CDH22: variants seen among roughly 807,000 people sequenced by gnomAD.
The protein encoded by CDH22 is cadherin-22.
Under a neutral mutation model 58.4 loss-of-function variants are expected in CDH22, and 30 were observed. That is an observed-to-expected ratio of 0.51 (90% CI 0.38 to 0.70). The LOEUF (loss-of-function observed/expected upper bound fraction) is 0.70, where lower values mean the gene tolerates loss of function less well. Among genes scored for constraint, CDH22 ranks in the 30% least tolerant of loss-of-function variants. The pLI is 0.00. For missense variants in CDH22, 1,014 were observed against 1,233.9 expected (o/e 0.82, Z 2.67); for synonymous variants, 513 against 558.2 (o/e 0.92, Z 1.14).
At chr20:46,288,958 T>G (rs2086587987) in intron 1 of CDH22, among the ~76,000 whole-genome samples, 1 of 152,192 alleles carries the variant, frequency 6.6e-6, no homozygotes, top group African/African-American at 2.4e-5. Context: ...GCCGTAACAC[T>G]CCTTCTCTCA....
chr20:46,214,230 G>A (rs1162033572), intron 5 of CDH22, among the ~76,000 whole-genome samples: 1 of 152,152 alleles, frequency 6.6e-6, no homozygotes, highest in African/African-American at 2.4e-5. Context: ...GAAGGAATGA[G>A]ATCAGATGGG....
intron 1 of CDH22, among the ~76,000 whole-genome samples, chr20:46,266,347 G>T (rs957607973): frequency 6.6e-6 from 1 of 152,164 alleles, no homozygotes; most frequent in Non-Finnish European, 1.5e-5. Context: ...GGTCATTCAG[G>T]GGCCAAGCCT....
intron 1 of CDH22, among the ~76,000 whole-genome samples, chr20:46,295,296 T>G (rs2086624262): frequency 1.3e-5 from 2 of 152,206 alleles, no homozygotes; most frequent in Non-Finnish European, 2.9e-5. Context: ...GAGGCCAACT[T>G]GACAGGAAGC....
Position 46,241,249 on chromosome 20 carries a change from G to T in CDH22, c.264C>A (p.Ser88=), listed in dbSNP as rs529732146. The T allele has an allele frequency of 2.5e-6, 4 of 1,601,184 alleles. No homozygotes were observed. Among genetic ancestry groups the T allele is most frequent in the Non-Finnish European group, 3.4e-6 (4 of 1,171,542 alleles). Residue 88 remains serine, a synonymous_variant, in exon 3 of 12, where the codon TCC becomes TCA. Transcript: ENST00000537909. This position sits in a 1 kb window ranked among gnomAD's most constrained non-coding sequence, Gnocchi z 5.2. The part of the protein sequence containing the change: ...TEPLYVGKIH[S]DSDEGDGAIK... ...TGGCCCCGTCACCCTCGTCTGAGTC[G>T]GAGTGGATCTGGGTAGGCAGAGAAG... is the stretch of plus-strand genomic sequence containing the variant.
At chr20:46,256,785 G>A (rs968142962) in intron 1 of CDH22, among the ~76,000 whole-genome samples, 4 of 152,172 alleles carry the variant, frequency 2.6e-5, no homozygotes, top group African/African-American at 9.7e-5. Context: ...AAGATTCCTT[G>A]AGGCCAGGGG....
intron 1 of CDH22, among the ~76,000 whole-genome samples, chr20:46,261,095 C>A (rs1195430342): frequency 6.6e-6 from 1 of 152,142 alleles, no homozygotes; most frequent in Non-Finnish European, 1.5e-5. Flanking sequence ...GTATGTATGA[C>A]CTTGGTAATT....
chr20:46,239,229 T>C (rs1337352303), intron 3 of CDH22, among the ~76,000 whole-genome samples: 1 of 152,216 alleles, frequency 6.6e-6, no homozygotes, highest in Non-Finnish European at 1.5e-5. Context: ...ATGCACTCAA[T>C]AAATATTTGT....
Position 46,224,249 on chromosome 20 carries a change from A to C in CDH22, c.670+3259T>G, listed in dbSNP as rs191055916. ...TTATATGTGTACATGCTCATCTTCT[A>C]TATTCTCTACTTCAATAAAAGTGCC... On this transcript the variant is annotated intron_variant, in intron 4 of 11. Coordinates refer to ENST00000537909, the MANE Select transcript of CDH22 (RefSeq NM_021248.3). 2.5e-3 allele frequency among the ~76,000 whole-genome samples: 386 copies of C among 152,322 alleles called. 3 individuals are homozygous for C. Among genetic ancestry groups the C allele is most frequent in the African/African-American group, 8.7e-3 (361 of 41,570 alleles).
At chr20:46,254,633 G>T (rs1168122099) in intron 1 of CDH22, among the ~76,000 whole-genome samples, 1 of 151,854 alleles carries the variant, frequency 6.6e-6, no homozygotes, top group African/African-American at 2.4e-5. Context: ...GATAATAGAG[G>T]AATTAATCTA....
At chr20:46,176,980 T>A (rs568640702) in intron 11 of CDH22, among the ~76,000 whole-genome samples, 5 of 152,266 alleles carry the variant, frequency 3.3e-5, no homozygotes, top group African/African-American at 9.6e-5. Flanking sequence ...GAAACCGCTG[T>A]AAAGTGCACC....
At chr20:46,260,498 CCTT>C (rs1182245579) in intron 1 of CDH22, among the ~76,000 whole-genome samples, 3 of 152,220 alleles carry the variant, frequency 2.0e-5, no homozygotes, top group East Asian at 3.9e-4. Flanking sequence ...CTCACCTACT[CCTT>C]CTTCCATCCC....
rs2085939451 is a variant in CDH22 at position 46,199,576 on chromosome 20, AG to A, written c.1287-18del. On this transcript the variant is annotated intron_variant, in intron 7 of 11. Coordinates refer to ENST00000537909, the MANE Select transcript of CDH22 (RefSeq NM_021248.3). ...ATGGCGTACCTGCGGGGGGCAGGGC[AG>A]GGCTGATTGAAGGTGCCCCAGTGCC... The A allele has an allele frequency of 6.2e-7, 1 of 1,611,674 alleles. No homozygotes were observed. The highest frequency in any genetic ancestry group is 8.5e-7 in the Non-Finnish European group (1 of 1,178,830).
At chr20:46,227,695 T>C in intron 3 of CDH22, 68 bp from the exon 4 acceptor site, 1 of 1,538,722 alleles carries the variant, frequency 6.5e-7, no homozygotes. Context: ...CCACTTCGCC[T>C]CACCCCAGGG....
At chr20:46,292,940 GTGTGTGTGTGTA>G (rs1236128631) in intron 1 of CDH22, among the ~76,000 whole-genome samples, 3 of 152,004 alleles carry the variant, frequency 2.0e-5, no homozygotes, top group Non-Finnish European at 2.9e-5. Flanking sequence ...GTGTGTGTGT[GTGTGTGTGTGTA>G]TGTGTGTCTT....
At position 46,186,197 on chromosome 20, in the gene CDH22, T is replaced by C. The variant is rs2085823768; in HGVS notation, c.1663+391A>G. The stretch of plus-strand genomic sequence containing the variant: ...CAGCCTGGCTGACAGAGCGAGACCC[T>C]GTCTCAAAAAAAAAAAAAAAAAAAT... On this transcript the variant is annotated intron_variant, in intron 10 of 11. Coordinates refer to ENST00000537909, the MANE Select transcript of CDH22 (RefSeq NM_021248.3). Among the ~76,000 whole-genome samples, 2 of 132,830 alleles carry C rather than the reference T, an allele frequency of 1.5e-5. 1 individual carries two copies. 87.1% of individuals were successfully genotyped at this position (132,830 alleles called of 152,430 possible).
chr20:46,223,638 T>C (rs1007255374), intron 4 of CDH22, among the ~76,000 whole-genome samples: 26 of 151,212 alleles, frequency 1.7e-4, no homozygotes, highest in African/African-American at 6.4e-4. Context: ...TTTTTCTTTC[T>C]TTCTTTCTTT....
Position 46,216,905 on chromosome 20 carries a change from C to T in CDH22, c.759G>A (p.Gln253=), listed in dbSNP as rs772776772. ...VVIQATDMAG[Q]LGGLSGSTTV... Reference sequence around the variant, plus strand: ...TAGTGGAGCCCGAGAGGCCACCCAGCTGACCCGCCATGTCTGTGGCCTGGA... The same window carrying T: ...TAGTGGAGCCCGAGAGGCCACCCAGTTGACCCGCCATGTCTGTGGCCTGGA... Residue 253 remains glutamine, a synonymous_variant, in exon 5 of 12, where the codon CAG becomes CAA. Transcript: ENST00000537909. The surrounding 1 kb of genome is among the most constrained non-coding windows in gnomAD (Gnocchi z 5.3). The T allele has an allele frequency of 6.2e-7, 1 of 1,611,346 alleles. No individual in the cohort carries two copies. Among genetic ancestry groups the T allele is most frequent in the Non-Finnish European group, 8.5e-7 (1 of 1,178,024 alleles).
rs555360604 is a variant in CDH22, at chr20:46,299,253, T to C, written c.-400+9002A>G. Among the ~76,000 whole-genome samples, 12 of 152,310 alleles carry C rather than the reference T, an allele frequency of 7.9e-5. No homozygotes were observed. The South Asian group carries it at 2.5e-3, about 32-fold the overall frequency. On this transcript the variant is annotated intron_variant, in intron 1 of 11. Coordinates refer to ENST00000537909, the MANE Select transcript of CDH22 (RefSeq NM_021248.3). ...CCAAGCTCCTCCTCTTTGCTCATGC[T>C]CTTTCCACCTGCAGAAAACACCTCC...
rs191281677 is a variant in CDH22, at chr20:46,201,693, G to T, written c.1287-2134C>A. On this transcript the variant is annotated intron_variant, in intron 7 of 11. Coordinates refer to ENST00000537909, the MANE Select transcript of CDH22 (RefSeq NM_021248.3). ...CAAACTATAAAGGGATGTGCCTATG[G>T]GTGTAGTGGGCATTATAAGCCGATC... Among the ~76,000 whole-genome samples the T allele has an allele frequency of 2.5e-3, 382 of 152,272 alleles. 2 individuals carry two copies. Among genetic ancestry groups the T allele is most frequent in the Middle Eastern group, 0.01 (3 of 294 alleles).
Sources: allele counts gnomAD v4.1 joint callset (sites outside exome capture counted in the v4.1 genomes callset), GRCh38; gene constraint gnomAD v4.1.1; non-coding constraint Gnocchi (gnomAD v3.1); transcripts MANE v1.5; gene names NCBI Gene and HGNC (gene_info 2026-07-23, HGNC 2026-07-21).